RALGDS: variants seen among roughly 807,000 people sequenced by gnomAD.
RALGDS encodes ral guanine nucleotide exchange factor.
A neutral mutation model predicts 99.8 loss-of-function variants in RALGDS; 44 were observed. The observed-to-expected ratio is 0.44, with a 90% CI of 0.35 to 0.57. The LOEUF (loss-of-function observed/expected upper bound fraction) is 0.57. RALGDS is among the 20% of genes least tolerant of loss of function. The pLI, the probability that RALGDS is intolerant of heterozygous loss-of-function variation, is 0.01. For synonymous variants in RALGDS, 529 were observed against 505.0 expected, an observed-to-expected ratio of 1.05 and a Z score of -0.64; for missense variants, 1,022 against 1,203.1, an observed-to-expected ratio of 0.85 and a Z score of 2.23.
intron 10 of RALGDS, 138 bp from the exon 11 acceptor site, chr9:133,103,971 G>C: frequency 1.1e-6 from 1 of 893,564 alleles, no homozygotes; most frequent in Non-Finnish European, 1.8e-6. Context: ...CTGGACCCCA[G>C]ACTCCCTCTA....
chr9:133,135,004 T>C (rs117097355), upstream of RALGDS, among the ~76,000 whole-genome samples: 4,101 of 152,228 alleles, frequency 0.027, 87 homozygotes, highest in Middle Eastern at 0.041. Context: ...TGACTTTTCA[T>C]AAAGAGTCAA....
At chr9:133,146,996 C>T (rs1478712726) in intron 1 of RALGDS, among the ~76,000 whole-genome samples, 2 of 152,216 alleles carry the variant, frequency 1.3e-5, no homozygotes, top group African/African-American at 4.8e-5. Flanking sequence ...GCTGAGCTGC[C>T]CTGGATCTGG....
intron 1 of RALGDS, among the ~76,000 whole-genome samples, chr9:133,146,699 C>T (rs1188857362): frequency 6.6e-6 from 1 of 152,238 alleles, no homozygotes; most frequent in Non-Finnish European, 1.5e-5. Flanking sequence ...TTACAAAAAA[C>T]TATGACTTCT....
chr9:133,149,003 C>T, exon 1 of RALGDS: 1 of 1,564,416 alleles, frequency 6.4e-7, no homozygotes, highest in South Asian at 1.2e-5. Flanking sequence ...TGGCACATCG[C>T]CGGCCCCAGG....
At chr9:133,139,890 T>C (rs535829221) in intron 1 of RALGDS, among the ~76,000 whole-genome samples, 1 of 152,002 alleles carries the variant, frequency 6.6e-6, no homozygotes, top group South Asian at 2.1e-4. Flanking sequence ...GCAATGGGGG[T>C]ACAGAGGAGT....
At position 133,121,175 on chromosome 9, in the gene RALGDS, GCGGGGCCGGCC is replaced by G; in HGVS notation, c.-32_-22del. 9.2e-7 allele frequency: 1 copy of G among 1,083,798 alleles called. No individual in the cohort carries two copies. The highest frequency in any genetic ancestry group is 1.1e-6 in the Non-Finnish European group (1 of 895,062). 67.1% of individuals were successfully genotyped at this position (1,083,798 alleles called of 1,614,324 possible). The stretch of plus-strand genomic sequence containing the variant: ...ACCATGGAAGGCTCGCAGCGCGGGC[GCGGGGCCGGCC>G]CGGCGCGCGGCGGGGGCGGCGGCGC... On this transcript the variant is annotated 5_prime_UTR_variant, in exon 1 of 18. Coordinates refer to ENST00000372050, the MANE Select transcript of RALGDS (RefSeq NM_006266.4).
At chr9:133,120,823 G>T in intron 1 of RALGDS, 149 bp downstream of exon 1, 2 of 908,626 alleles carry the variant, frequency 2.2e-6, no homozygotes, top group Non-Finnish European at 3.0e-6. Flanking sequence ...TCTGCAGAAG[G>T]CCCCGACCCC....
intron 1 of RALGDS, among the ~76,000 whole-genome samples, chr9:133,116,476 CAGG>C (rs1183191888): frequency 6.6e-6 from 1 of 152,250 alleles, no homozygotes; most frequent in Non-Finnish European, 1.5e-5. Flanking sequence ...GTGCCTCAAG[CAGG>C]AGGAGGGAGA....
intron 1 of RALGDS, among the ~76,000 whole-genome samples, chr9:133,136,846 A>G (rs1456116839): frequency 6.6e-6 from 1 of 152,184 alleles, no homozygotes; most frequent in African/African-American, 2.4e-5. Flanking sequence ...CTGAGGCAGG[A>G]GACTGGCTTA....
At chr9:133,129,410 C>T (rs964831801) in intron 1 of RALGDS, 4 of 1,429,316 alleles carry the variant, frequency 2.8e-6, no homozygotes, top group Admixed American at 2.8e-5. Context: ...GTGGAGCACC[C>T]GAGTGCCTGG....
chr9:133,104,668 C>G (rs1458910477), intron 9 of RALGDS: 1 of 312,820 alleles, frequency 3.2e-6, no homozygotes, highest in Non-Finnish European at 6.2e-6. Flanking sequence ...CAAAAATTAC[C>G]TGGGTTGGTG....
At chr9:133,131,175 G>A (rs1333193483), upstream of RALGDS, 51 of 1,400,076 alleles carry the variant, frequency 3.6e-5, no homozygotes, top group South Asian at 9.3e-5. Flanking sequence ...ATCCTCTTCC[G>A]GTGGCTTTGT....
chr9:133,102,990 CT>C (rs770150704), intron 12 of RALGDS, 90 bp from the exon 13 acceptor site: 316 of 1,547,658 alleles, frequency 2.0e-4, no homozygotes, highest in Non-Finnish European at 2.6e-4. Context: ...GGGTCCCTTC[CT>C]CCCCTCTACT....
At chr9:133,113,842 T>C (rs1831466316) in intron 1 of RALGDS, among the ~76,000 whole-genome samples, 2 of 152,264 alleles carry the variant, frequency 1.3e-5, no homozygotes, top group South Asian at 2.1e-4. Context: ...GACAGTATCC[T>C]GAGTGTCCAA....
exon 1 of RALGDS, chr9:133,149,084 G>A (rs1832672567): frequency 4.8e-6 from 4 of 837,464 alleles, no homozygotes; most frequent in Non-Finnish European, 6.1e-6. Flanking sequence ...CCGGCTGCGG[G>A]GCTCATGGCG....
At chr9:133,121,824 C>T (rs750743125), upstream of RALGDS, among the ~76,000 whole-genome samples, 1 of 152,200 alleles carries the variant, frequency 6.6e-6, no homozygotes, top group Non-Finnish European at 1.5e-5. Flanking sequence ...CAGGCTCAGG[C>T]GGAGTTTGGA....
intron 1 of RALGDS, among the ~76,000 whole-genome samples, 176 bp from the exon 2 acceptor site, chr9:133,112,328 C>A (rs1355658675): frequency 6.6e-6 from 1 of 152,032 alleles, no homozygotes; most frequent in Non-Finnish European, 1.5e-5. Flanking sequence ...TCCCGGCACT[C>A]CACTTCCCCA....
Position 133,121,232 on chromosome 9 carries a change from G to T in RALGDS, c.-78C>A, listed in dbSNP as rs1200730910. ...GGCGCGGCCCGCGCGGCTGGGCTTT[G>T]CCACCGCTGTGAGCCCGCGGCCCGG... On this transcript the variant is annotated 5_prime_UTR_variant, in exon 1 of 18. Coordinates refer to ENST00000372050, the MANE Select transcript of RALGDS (RefSeq NM_006266.4). 7 of 979,084 alleles carry T rather than the reference G, an allele frequency of 7.1e-6. No homozygotes were observed. Among genetic ancestry groups the T allele is most frequent in the Admixed American group, 6.3e-5 (1 of 15,860 alleles). 60.6% of individuals were successfully genotyped at this position (979,084 alleles called of 1,614,324 possible).
chr9:133,129,037 G>A, intron 1 of RALGDS: 1 of 1,348,790 alleles, frequency 7.4e-7, no homozygotes, highest in Non-Finnish European at 9.8e-7. Flanking sequence ...GTTCTGGCAG[G>A]GAAGAAAGGG....
Sources: gnomAD v4.1 joint callset for allele counts (sites outside exome capture counted in the v4.1 genomes callset) on GRCh38, gnomAD v4.1.1 for gene constraint, MANE v1.5 for transcripts, NCBI Gene and HGNC (gene_info 2026-07-23, HGNC 2026-07-21) for gene names.